The following IQANK1 variants were observed in gnomAD, a reference collection of about 807,000 sequenced individuals.
The protein encoded by IQANK1 is IQ motif and ankyrin repeat domain-containing protein 1.
IQANK1 carries 30 observed loss-of-function variants against 22.6 expected under a neutral mutation model. The ratio of observed to expected loss-of-function variants is 1.33; its 90% CI spans 0.99 to 1.80. IQANK1 has a LOEUF of 1.80. Among genes scored for constraint, IQANK1 ranks in the 40% most tolerant of loss-of-function variants. The pLI, the probability that IQANK1 is intolerant of heterozygous loss-of-function variation, is 0.00. For missense variants in IQANK1, 275 were observed against 235.2 expected (o/e 1.17, Z -1.11); for synonymous variants, 122 against 99.6 (o/e 1.23, Z -1.34).
At chr8:143,765,723 C>T (rs1225318131) in intron 3 of IQANK1, among the ~76,000 whole-genome samples, 4 of 152,130 alleles carry the variant, frequency 2.6e-5, no homozygotes, top group African/African-American at 7.2e-5. Context: ...ATGCTTTAGT[C>T]GTCTTTTCCT....
intron 3 of IQANK1, among the ~76,000 whole-genome samples, chr8:143,762,755 A>T (rs920880882): frequency 1.3e-5 from 2 of 152,198 alleles, no homozygotes; most frequent in Non-Finnish European, 2.9e-5. Flanking sequence ...CAGCAGCTGC[A>T]AGGGGAGTCA....
chr8:143,763,967 A>G (rs782486310), intron 3 of IQANK1, among the ~76,000 whole-genome samples: 2 of 152,182 alleles, frequency 1.3e-5, no homozygotes, highest in African/African-American at 2.4e-5. Flanking sequence ...ATTCATTTCA[A>G]CGGAGTCACA....
chr8:143,751,619 A>G (rs1240618472), intron 3 of IQANK1, among the ~76,000 whole-genome samples: 1 of 128,356 alleles, frequency 7.8e-6, no homozygotes, highest in Admixed American at 8.3e-5. Flanking sequence ...CTCAAAAAAA[A>G]AAAAAAGTGT....
rs148819374 is a variant in IQANK1 at position 143,743,148 on chromosome 8, C to G, written c.175+3200C>G. 2.0e-3 allele frequency: 849 copies of G among 417,696 alleles called. 2 individuals are homozygous for G. Among genetic ancestry groups the G allele is most frequent in the Non-Finnish European group, 3.1e-3 (625 of 204,240 alleles). The allele number at this position is 417,696 out of a possible 1,614,324, so 25.9% of individuals were successfully genotyped here. ...CAGGCTGACGTCGAGGAAAGCCAGCCGTGCTGTGGGTTTCCTTCCCTCTGG... is the reference window on the plus strand; with the variant it reads ...CAGGCTGACGTCGAGGAAAGCCAGCGGTGCTGTGGGTTTCCTTCCCTCTGG... On this transcript the variant is annotated intron_variant, in intron 3 of 13. Transcript: ENST00000527139.
At chr8:143,747,973 C>CTTT (rs1554627408) in intron 3 of IQANK1, among the ~76,000 whole-genome samples, 4 of 53,756 alleles carry the variant, frequency 7.4e-5, no homozygotes, top group Non-Finnish European at 1.2e-4. Context: ...CTTTCCTTTC[C>CTTT]CTTTCCTTTC....
chr8:143,745,317 T>C (rs1404531917), intron 3 of IQANK1: 1 of 152,214 alleles, frequency 6.6e-6, no homozygotes, highest in Admixed American at 6.5e-5. Context: ...CCAGTTGATA[T>C]CAGGGCAATC....
Position 143,772,249 on chromosome 8 carries a change from C to G in IQANK1, c.663+6C>G, listed in dbSNP as rs1363220384. 1 of 396,852 alleles carries G rather than the reference C, an allele frequency of 2.5e-6. No individual in the cohort carries two copies. The highest frequency in any genetic ancestry group is 3.6e-5 in the East Asian group (1 of 27,964). 24.6% of individuals were successfully genotyped at this position (396,852 alleles called of 1,614,324 possible). On this transcript the variant is annotated splice_donor_region_variant and intron_variant, in intron 6 of 13. Coordinates refer to ENST00000527139, the MANE Select transcript of IQANK1 (RefSeq NM_001381874.1). ...GCGCCAGCCCCAACAGCAAGGTGGG[C>G]GCCGTGGGCCGCGGGCCGCCGCGCT...
At chr8:143,742,167 C>G (rs782191789) in intron 3 of IQANK1, 1 of 353,366 alleles carries the variant, frequency 2.8e-6, no homozygotes, top group Non-Finnish European at 5.6e-6. Context: ...CCCAGCTGTC[C>G]GCATCACCAC....
At chr8:143,785,877 C>T (rs1348560510) in intron 7 of IQANK1, among the ~76,000 whole-genome samples, 1 of 152,164 alleles carries the variant, frequency 6.6e-6, no homozygotes, top group Non-Finnish European at 1.5e-5. Context: ...CAGGCACGCA[C>T]CACCACACCT....
At chr8:143,777,013 C>T (rs1819698607) in intron 7 of IQANK1, among the ~76,000 whole-genome samples, 1 of 151,926 alleles carries the variant, frequency 6.6e-6, no homozygotes, top group African/African-American at 2.4e-5. Context: ...GTGGTCCCAA[C>T]TACTTGGGAT....
intron 7 of IQANK1, among the ~76,000 whole-genome samples, chr8:143,776,040 G>A (rs1467053102): frequency 2.1e-5 from 3 of 144,490 alleles, no homozygotes; most frequent in Non-Finnish European, 4.4e-5. Context: ...TAATCCCAGC[G>A]GCCGGGCGCG....
intron 3 of IQANK1, among the ~76,000 whole-genome samples, chr8:143,751,626 G>GTA (rs1554628037): frequency 1.6e-5 from 1 of 63,124 alleles, no homozygotes; most frequent in African/African-American, 7.8e-5. Flanking sequence ...AAAAAAAAAA[G>GTA]TGTGTGTGTG....
chr8:143,749,161 T>C (rs1393739579), intron 3 of IQANK1, among the ~76,000 whole-genome samples: 1 of 116,558 alleles, frequency 8.6e-6, no homozygotes, highest in African/African-American at 4.2e-5. Context: ...TATAAATGTA[T>C]ATATCAATAT....
At chr8:143,744,721 T>C (rs1418155112) in intron 3 of IQANK1, 2 of 152,228 alleles carry the variant, frequency 1.3e-5, no homozygotes, top group Non-Finnish European at 2.9e-5. Context: ...TCAGGCTCAC[T>C]GTCTTGCTGG....
intron 3 of IQANK1, among the ~76,000 whole-genome samples, chr8:143,764,231 C>T (rs560061277): frequency 6.6e-6 from 1 of 152,228 alleles, no homozygotes; most frequent in Admixed American, 6.5e-5. Flanking sequence ...AAACCTGACT[C>T]ATACAACCTG....
chr8:143,784,886 T>C (rs1176130900), intron 7 of IQANK1, among the ~76,000 whole-genome samples: 1 of 152,240 alleles, frequency 6.6e-6, no homozygotes, highest in Non-Finnish European at 1.5e-5. Flanking sequence ...ACTAGTAACT[T>C]ACCACAGTTT....
rs1819997440 is a variant in IQANK1, at chr8:143,790,083, A to T, written c.1289+19A>T. 1.6e-6 allele frequency: 2 copies of T among 1,231,998 alleles called. No individual in the cohort carries two copies. The highest frequency in any genetic ancestry group is 4.2e-5 in the Admixed American group (1 of 23,708). The allele number at this position is 1,231,998 out of a possible 1,614,324, so 76.3% of individuals were successfully genotyped here. On this transcript the variant is annotated intron_variant, in intron 12 of 13. Coordinates refer to ENST00000527139, the MANE Select transcript of IQANK1 (RefSeq NM_001381874.1). ...ATGGCCGGTCAGTTCTCCGGGCCAG[A>T]CGTGGGCGATTTGGGGTTTGGACAG...
chr8:143,752,026 C>T (rs528928227), intron 3 of IQANK1, among the ~76,000 whole-genome samples: 1 of 152,052 alleles, frequency 6.6e-6, no homozygotes, highest in South Asian at 2.1e-4. Context: ...AGTGCAATGG[C>T]ACAATCTTGG....
At chr8:143,776,627 A>G (rs1338365339) in intron 7 of IQANK1, among the ~76,000 whole-genome samples, 15 of 152,164 alleles carry the variant, frequency 9.9e-5, no homozygotes, top group Admixed American at 1.3e-4. Flanking sequence ...AGAATTCAGA[A>G]TTCAAGGATA....
Sources: gnomAD v4.1 joint callset for allele counts (sites outside exome capture counted in the v4.1 genomes callset) on GRCh38, gnomAD v4.1.1 for gene constraint, MANE v1.5 for transcripts, NCBI Gene and HGNC (gene_info 2026-07-23, HGNC 2026-07-21) for gene names.